Variants in POU2F3 observed in about 807,000 individuals in gnomAD.
POU2F3 encodes POU domain, class 2, transcription factor 3.
A neutral mutation model predicts 59.2 loss-of-function variants in POU2F3; 23 were observed. The observed-to-expected ratio is 0.39, with a 90% CI of 0.28 to 0.55. The LOEUF is 0.55. Ranked by LOEUF, POU2F3 falls within the 20% of genes least tolerant of loss-of-function variation. The pLI, the probability that POU2F3 is intolerant of heterozygous loss-of-function variation, is 0.66. For synonymous variants in POU2F3, 190 were observed against 214.6 expected (o/e 0.89, Z 1.00); for missense variants, 473 against 544.5 (o/e 0.87, Z 1.31).
chr11:120,243,215 C>T (rs563108346), intron 1 of POU2F3, among the ~76,000 whole-genome samples: 1 of 152,228 alleles, frequency 6.6e-6, no homozygotes, highest in Admixed American at 6.5e-5. Context: ...GTGGAAGTGC[C>T]GCCATCAGCA....
At chr11:120,272,903 T>C (rs929732007) in intron 3 of POU2F3, among the ~76,000 whole-genome samples, 1 of 135,178 alleles carries the variant, frequency 7.4e-6, no homozygotes, top group Non-Finnish European at 1.5e-5. Context: ...ACCTCTTCTT[T>C]CTGGGGTTCT....
Position 120,285,410 on chromosome 11 carries a change from C to T in POU2F3, c.133-12855C>T, listed in dbSNP as rs1940743234. On this transcript the variant is annotated intron_variant, in intron 3 of 12. Coordinates refer to ENST00000543440, the MANE Select transcript of POU2F3 (RefSeq NM_014352.4). This position sits in a 1 kb window ranked among gnomAD's most constrained non-coding sequence, Gnocchi z 4.3. Reference sequence around the variant, plus strand: ...TTCTGTTTCAGGGCCTGTGTCTGTCCCAATCACATGGCAGCCCTTCAATAT... The same window carrying T: ...TTCTGTTTCAGGGCCTGTGTCTGTCTCAATCACATGGCAGCCCTTCAATAT... 1.3e-5 allele frequency among the ~76,000 whole-genome samples: 2 copies of T among 152,154 alleles called. No homozygotes were observed. The highest frequency in any genetic ancestry group is 2.9e-5 in the Non-Finnish European group (2 of 68,038).
intron 1 of POU2F3, among the ~76,000 whole-genome samples, chr11:120,243,503 GCT>G (rs1938754730): frequency 1.3e-5 from 2 of 152,164 alleles, no homozygotes; most frequent in Admixed American, 1.3e-4. Context: ...TGGTGTCTGG[GCT>G]CTTTCACAGA....
intron 2 of POU2F3, among the ~76,000 whole-genome samples, chr11:120,258,373 T>G (rs917903441): frequency 6.6e-6 from 1 of 152,136 alleles, no homozygotes; most frequent in African/African-American, 2.4e-5. Context: ...TGGGCTGTCA[T>G]GAACATAGTC....
rs2135145061 is a variant in POU2F3, at chr11:120,317,361, C to T, written c.1268C>T (p.Ser423Leu). 1 of 1,614,138 alleles carries T rather than the reference C, an allele frequency of 6.2e-7. No homozygotes were observed. The highest frequency in any genetic ancestry group is 8.5e-7 in the Non-Finnish European group (1 of 1,180,014). ...AVNSASSFNS[S>L]GSWYRWNHST... ...AACTCCGCCTCCAGTTTTAACTCTT[C>T]AGGGTAAGGTGAAGGGGACGGTGCA... Residue 423 changes from serine (S) to leucine (L), a missense_variant, in exon 12 of 13, where the codon TCA becomes TTA. Physicochemically the swap from Ser to Leu is moderately radical, Grantham distance 145. Transcript: ENST00000543440.
chr11:120,293,982 G>A (rs1361547887), intron 3 of POU2F3, among the ~76,000 whole-genome samples: 1 of 152,134 alleles, frequency 6.6e-6, no homozygotes, highest in African/African-American at 2.4e-5. Flanking sequence ...CATCTCTGAA[G>A]CTCTCTGAGC....
At chr11:120,296,710 C>T (rs1343593560) in intron 3 of POU2F3, among the ~76,000 whole-genome samples, 1 of 152,148 alleles carries the variant, frequency 6.6e-6, no homozygotes, top group Non-Finnish European at 1.5e-5. Context: ...ATCCATGTTC[C>T]CATACAGGAC....
chr11:120,276,351 G>A (rs983013449), intron 3 of POU2F3, among the ~76,000 whole-genome samples: 3 of 152,176 alleles, frequency 2.0e-5, no homozygotes, highest in African/African-American at 2.4e-5. Context: ...CAGAGAGGGA[G>A]GTCAGTGGGG....
At chr11:120,300,879 A>T in intron 5 of POU2F3, 1 of 352,212 alleles carries the variant, frequency 2.8e-6, no homozygotes, top group Non-Finnish European at 5.6e-6. Flanking sequence ...CGCCCTTAGC[A>T]CCTGCACAAA....
At chr11:120,292,740 G>T (rs56966127) in intron 3 of POU2F3, among the ~76,000 whole-genome samples, 12,789 of 152,252 alleles carry the variant, frequency 0.084, 628 homozygotes, top group South Asian at 0.18. Context: ...TCTCAGGAGG[G>T]CTCCGCAGCA....
chr11:120,260,990 G>T (rs1296025198), intron 2 of POU2F3, among the ~76,000 whole-genome samples: 2 of 152,072 alleles, frequency 1.3e-5, no homozygotes, highest in African/African-American at 4.8e-5. Context: ...TGCTTGAGCC[G>T]GGGAGGTCAA....
chr11:120,269,349 T>C (rs748521030), intron 3 of POU2F3, 105 bp downstream of exon 3: 14 of 987,574 alleles, frequency 1.4e-5, no homozygotes, highest in African/African-American at 1.1e-4. Flanking sequence ...TGGGGGTGTT[T>C]ATTCACAAAC....
chr11:120,287,201 G>T (rs1591418140), intron 3 of POU2F3, among the ~76,000 whole-genome samples: 1 of 152,188 alleles, frequency 6.6e-6, no homozygotes, highest in South Asian at 2.1e-4. Context: ...GGTTGATTTG[G>T]GGGATTTGGT....
intron 9 of POU2F3, among the ~76,000 whole-genome samples, chr11:120,308,621 T>C (rs1291329588): frequency 6.6e-6 from 1 of 151,944 alleles, no homozygotes; most frequent in East Asian, 1.9e-4. Context: ...CATTTTCTGC[T>C]TTGAGACAGG....
intron 5 of POU2F3, 98 bp downstream of exon 5, chr11:120,299,824 CGTCA>C (rs1941297498): frequency 3.0e-6 from 3 of 994,812 alleles, no homozygotes; most frequent in Admixed American, 4.5e-5. Context: ...GGAGAGCATG[CGTCA>C]GTCAGTCACC....
chr11:120,262,575 G>A lies in POU2F3; in HGVS notation c.98-6635G>A, dbSNP rs1159321932. 3.3e-5 allele frequency among the ~76,000 whole-genome samples: 5 copies of A among 152,260 alleles called. No individual in the cohort carries two copies. The East Asian group carries it at 5.8e-4, about 18-fold the overall frequency. ...ATATCATTATCACACAAAACAAAAC[G>A]AATCCCTCATTTAATTCTCACAGCA... On this transcript the variant is annotated intron_variant, in intron 2 of 12. Coordinates refer to ENST00000543440, the MANE Select transcript of POU2F3 (RefSeq NM_014352.4).
intron 2 of POU2F3, among the ~76,000 whole-genome samples, chr11:120,255,861 T>C (rs550915405): frequency 6.6e-6 from 1 of 152,316 alleles, no homozygotes; most frequent in East Asian, 1.9e-4. Flanking sequence ...GCTGGGTTCA[T>C]GCCTTCCTCC....
At chr11:120,317,827 G>A (rs994330616) in intron 12 of POU2F3, among the ~76,000 whole-genome samples, 5 of 152,188 alleles carry the variant, frequency 3.3e-5, no homozygotes, top group African/African-American at 9.7e-5. Flanking sequence ...AGTGGGGCAG[G>A]CAGCCTCCTG....
intron 2 of POU2F3, chr11:120,250,491 G>T (rs1025967825): frequency 5.3e-5 from 8 of 152,248 alleles, no homozygotes; most frequent in African/African-American, 1.9e-4. Context: ...ATGAGAGCAG[G>T]TATTATTAGC....
Sources: gnomAD v4.1 joint callset for allele counts (sites outside exome capture counted in the v4.1 genomes callset) on GRCh38, gnomAD v4.1.1 for gene constraint, Gnocchi (gnomAD v3.1) non-coding constraint, MANE v1.5 for transcripts, NCBI Gene and HGNC (gene_info 2026-07-23, HGNC 2026-07-21) for gene names.